The following NKAIN2 variants were observed in gnomAD, a reference collection of about 807,000 sequenced individuals.
The protein encoded by NKAIN2 is sodium/potassium transporting ATPase interacting 2, also known as sodium/potassium-transporting ATPase subunit beta-1-interacting protein 2.
In NKAIN2, 14 loss-of-function variants were observed where a neutral mutation model predicts 32.6. The observed-to-expected ratio is 0.43, with a 90% CI of 0.28 to 0.67. The LOEUF (loss-of-function observed/expected upper bound fraction) is 0.67, where lower values mean the gene tolerates loss of function less well. Among genes scored for constraint, NKAIN2 ranks in the 30% least tolerant of loss-of-function variants. The pLI is 0.17. For missense variants in NKAIN2, 198 were observed against 258.3 expected, an observed-to-expected ratio of 0.77 and a Z score of 1.60; for synonymous variants, 80 against 87.2, an observed-to-expected ratio of 0.92 and a Z score of 0.46.
At chr6:124,225,577 A>G (rs1031069976) in intron 1 of NKAIN2, among the ~76,000 whole-genome samples, 24 of 152,164 alleles carry the variant, frequency 1.6e-4, no homozygotes, top group African/African-American at 5.5e-4. Context: ...TGGAAATGTT[A>G]TGACATTGCA....
intron 1 of NKAIN2, among the ~76,000 whole-genome samples, chr6:123,861,205 C>A (rs1479456614): frequency 1.3e-5 from 2 of 152,174 alleles, no homozygotes; most frequent in African/African-American, 4.8e-5. Context: ...ATAAATACTT[C>A]TAATAAATCC....
In NKAIN2 at chr6:124,323,934, C is replaced by T. The variant is rs372078835; in HGVS notation, c.193-31333C>T. On this transcript the variant is annotated intron_variant, in intron 2 of 6. Coordinates refer to ENST00000368417, the MANE Select transcript of NKAIN2 (RefSeq NM_001040214.3). ...TCCCGAGGAGCTGGGACTACAGGCG[C>T]CTGCCACCACACTCGGCTAATTTTG... Among the ~76,000 whole-genome samples the T allele has an allele frequency of 1.3e-4, 19 of 151,832 alleles. No homozygotes were observed. In the East Asian group the frequency reaches 2.5e-3, roughly 20 times the overall value.
intron 4 of NKAIN2, among the ~76,000 whole-genome samples, chr6:124,722,968 T>C (rs1013446627): frequency 6.6e-6 from 1 of 152,196 alleles, no homozygotes; most frequent in Non-Finnish European, 1.5e-5. Context: ...CAAAAACACA[T>C]GAGGAACATC....
intron 1 of NKAIN2, among the ~76,000 whole-genome samples, 155 bp downstream of exon 1, chr6:123,804,409 A>G (rs1773128951): frequency 6.6e-6 from 1 of 152,090 alleles, no homozygotes; most frequent in Admixed American, 6.5e-5. Context: ...TTTCAGGGAG[A>G]CGCACTCTGG....
intron 1 of NKAIN2, among the ~76,000 whole-genome samples, chr6:124,262,044 G>C: frequency 6.6e-6 from 1 of 151,912 alleles, no homozygotes; most frequent in East Asian, 1.9e-4. Flanking sequence ...CCATCTCTTT[G>C]AGGGCAGAGC....
chr6:124,236,585 G>C (rs1330286458), intron 1 of NKAIN2, among the ~76,000 whole-genome samples: 1 of 152,172 alleles, frequency 6.6e-6, no homozygotes, highest in East Asian at 1.9e-4. Flanking sequence ...CAGTAAATTG[G>C]AGTTAAACTA....
chr6:124,213,091 T>A (rs1791273786), intron 1 of NKAIN2, among the ~76,000 whole-genome samples: 1 of 152,218 alleles, frequency 6.6e-6, no homozygotes. Context: ...CAAATCCAGA[T>A]TTTACGTGCG....
rs1049467054 is a variant in NKAIN2 at position 124,625,680 on chromosome 6, C to T, written c.274-32506C>T. On this transcript the variant is annotated intron_variant, in intron 3 of 6. Transcript: ENST00000368417. ...AGGAGAGAAGTTATTTTCATGAGCA[C>T]CTACTTTGTGCTGAAGATGCTTTAT... 2.0e-5 allele frequency among the ~76,000 whole-genome samples: 3 copies of T among 148,226 alleles called. No homozygotes were observed. The Admixed American group carries it at 2.1e-4, about 10-fold the overall frequency.
At chr6:124,759,215 A>G (rs1333348964) in intron 4 of NKAIN2, among the ~76,000 whole-genome samples, 1 of 152,122 alleles carries the variant, frequency 6.6e-6, no homozygotes, top group African/African-American at 2.4e-5. Flanking sequence ...CTTGTTTTCC[A>G]CAAAGACTAA....
At chr6:124,384,643 C>T (rs914229241) in intron 3 of NKAIN2, among the ~76,000 whole-genome samples, 2 of 145,628 alleles carry the variant, frequency 1.4e-5, no homozygotes, top group Middle Eastern at 3.5e-3. Context: ...TTTTTTGAGA[C>T]AGGGTCTTTA....
intron 1 of NKAIN2, among the ~76,000 whole-genome samples, chr6:124,209,496 T>C (rs1791061654): frequency 1.3e-5 from 2 of 151,804 alleles, no homozygotes; most frequent in Non-Finnish European, 2.9e-5. Flanking sequence ...CGTATGTTAG[T>C]TCTATTTTCA....
intron 3 of NKAIN2, among the ~76,000 whole-genome samples, chr6:124,562,202 G>T (rs1014672810): frequency 6.6e-6 from 1 of 152,030 alleles, no homozygotes; most frequent in African/African-American, 2.4e-5. Flanking sequence ...TATATGCTAC[G>T]TCACCAAAAA....
chr6:123,913,428 T>C (rs1775324516), intron 1 of NKAIN2, among the ~76,000 whole-genome samples: 1 of 152,166 alleles, frequency 6.6e-6, no homozygotes, highest in African/African-American at 2.4e-5. Context: ...CTCCTTATCA[T>C]GCTGCTGTTC....
In NKAIN2 at chr6:124,383,164, T is replaced by G. The variant is rs797020721; in HGVS notation, c.273+27817T>G. On this transcript the variant is annotated intron_variant, in intron 3 of 6. Transcript: ENST00000368417. ...ATTTCTCCCCCAGGCACCCTTTCCT[T>G]TAACAAGCCATGTTAATTTTACCTC... Among the ~76,000 whole-genome samples, 16 of 152,284 alleles carry G rather than the reference T, an allele frequency of 1.1e-4. No homozygotes were observed. The South Asian group carries it at 2.3e-3, about 22-fold the overall frequency.
chr6:124,559,016 T>G (rs1015187258), intron 3 of NKAIN2, among the ~76,000 whole-genome samples: 5 of 152,102 alleles, frequency 3.3e-5, no homozygotes, highest in Non-Finnish European at 7.4e-5. Flanking sequence ...GATGGTTCTA[T>G]TTAATCATTT....
intron 1 of NKAIN2, among the ~76,000 whole-genome samples, chr6:124,113,418 C>T (rs1195749352): frequency 3.9e-5 from 6 of 152,064 alleles, no homozygotes; most frequent in African/African-American, 1.4e-4. Context: ...CAACTCTTTC[C>T]TTTCCAAGAA....
rs529342429 is a variant in NKAIN2, at chr6:124,265,588, G to A, written c.55-17417G>A. 6.6e-5 allele frequency among the ~76,000 whole-genome samples: 10 copies of A among 152,254 alleles called. No homozygotes were observed. The South Asian group carries it at 1.9e-3, about 28-fold the overall frequency. On this transcript the variant is annotated intron_variant, in intron 1 of 6. Transcript: ENST00000368417. ...AATTTTATGTGCCTTTTATCAAAAA[G>A]CCCAGAGTTATTTTCCTACAGAAAA...
intron 1 of NKAIN2, among the ~76,000 whole-genome samples, chr6:123,911,793 A>ATG (rs60162487): frequency 0.01 from 1,093 of 104,248 alleles, 72 homozygotes; most frequent in African/African-American, 0.046. Context: ...ATATATATAT[A>ATG]TATATATGTA....
intron 3 of NKAIN2, among the ~76,000 whole-genome samples, chr6:124,378,298 T>C (rs1047557868): frequency 2.0e-5 from 3 of 152,148 alleles, no homozygotes; most frequent in African/African-American, 7.2e-5. Context: ...TCATGGTGTG[T>C]CATTTCTCAA....
Sources: allele counts gnomAD v4.1 joint callset (sites outside exome capture counted in the v4.1 genomes callset), GRCh38; gene constraint gnomAD v4.1.1; transcripts MANE v1.5; gene names NCBI Gene and HGNC (gene_info 2026-07-23, HGNC 2026-07-21).